The following RBFOX3 variants were observed in gnomAD, a reference collection of about 807,000 sequenced individuals.
RBFOX3 encodes the protein RNA binding protein fox-1 homolog 3.
A neutral mutation model predicts 48.7 loss-of-function variants in RBFOX3; 17 were observed. That is an observed-to-expected ratio of 0.35 (90% CI 0.24 to 0.52). The LOEUF is 0.52. Ranked by LOEUF, RBFOX3 falls within the 20% of genes least tolerant of loss-of-function variation. RBFOX3 has a pLI of 0.94. For synonymous variants in RBFOX3, 212 were observed against 209.5 expected (o/e 1.01, Z -0.10); for missense variants, 382 against 497.5 (o/e 0.77, Z 2.21).
chr17:79,140,260 G>A (rs992821290), intron 4 of RBFOX3, among the ~76,000 whole-genome samples: 5 of 152,242 alleles, frequency 3.3e-5, no homozygotes, highest in Non-Finnish European at 4.4e-5. Flanking sequence ...GGCAAGTCAC[G>A]CAGCTCAAGT....
At chr17:79,184,516 C>A (rs1362015585) in intron 4 of RBFOX3, among the ~76,000 whole-genome samples, 4 of 152,192 alleles carry the variant, frequency 2.6e-5, no homozygotes, top group Non-Finnish European at 5.9e-5. Context: ...ACTGGCCTGC[C>A]CCGAGTCCAC....
intron 2 of RBFOX3, among the ~76,000 whole-genome samples, chr17:79,379,302 C>A (rs2059601885): frequency 1.3e-5 from 2 of 152,184 alleles, no homozygotes; most frequent in Admixed American, 1.3e-4. Context: ...GACTCCTTGC[C>A]TGCCCTGGGG....
chr17:79,655,672 C>T, the RBFOX3 span, among the ~76,000 whole-genome samples: 1 of 152,188 alleles, frequency 6.6e-6, no homozygotes, highest in Non-Finnish European at 1.5e-5. Context: ...CAGCTCCAGA[C>T]TCACTGAGAC....
chr17:79,555,192 T>C (rs960246715), intron 1 of RBFOX3, among the ~76,000 whole-genome samples: 78 of 152,326 alleles, frequency 5.1e-4, no homozygotes, highest in African/African-American at 1.8e-3. Context: ...AAAAATCACA[T>C]GGGTGATAGC....
chr17:79,493,240 G>C (rs956778827), intron 1 of RBFOX3, among the ~76,000 whole-genome samples: 3 of 152,084 alleles, frequency 2.0e-5, no homozygotes, highest in African/African-American at 4.8e-5. Context: ...CATCACCAAG[G>C]GGGTGGTACT....
the RBFOX3 span, among the ~76,000 whole-genome samples, chr17:79,651,729 C>G: frequency 3.0e-5 from 2 of 66,134 alleles, no homozygotes; most frequent in East Asian, 9.1e-4. Context: ...CTTTCCCTCC[C>G]TCTCTCCTTC....
At chr17:79,467,294 C>T (rs992325859) in intron 2 of RBFOX3, among the ~76,000 whole-genome samples, 22 of 152,210 alleles carry the variant, frequency 1.4e-4, no homozygotes, top group South Asian at 4.2e-4. Context: ...CCCAGAGTAG[C>T]GTGCCTTCCT....
intron 3 of RBFOX3, among the ~76,000 whole-genome samples, chr17:79,259,148 C>T (rs866620078): frequency 3.3e-5 from 5 of 152,274 alleles, no homozygotes; most frequent in Non-Finnish European, 5.9e-5. Flanking sequence ...CTGGTGGGTA[C>T]TGAATGCTGT....
At chr17:79,378,555 C>T (rs1008689827) in intron 2 of RBFOX3, among the ~76,000 whole-genome samples, 2 of 152,190 alleles carry the variant, frequency 1.3e-5, no homozygotes, top group African/African-American at 4.8e-5. Context: ...CCCAGGAAGC[C>T]AAGGACAGGG....
intron 1 of RBFOX3, among the ~76,000 whole-genome samples, chr17:79,498,346 T>C (rs2081874052): frequency 6.6e-6 from 1 of 152,138 alleles, no homozygotes; most frequent in African/African-American, 2.4e-5. Flanking sequence ...AAAACCAGTA[T>C]GGCTCAACAA....
At chr17:79,290,748 T>G (rs1035681187) in intron 3 of RBFOX3, among the ~76,000 whole-genome samples, 2 of 152,166 alleles carry the variant, frequency 1.3e-5, no homozygotes, top group African/African-American at 4.8e-5. Flanking sequence ...TACATACATC[T>G]CATCGAGCCT....
chr17:79,498,753 A>G (rs1239727345), intron 1 of RBFOX3, among the ~76,000 whole-genome samples: 2 of 150,178 alleles, frequency 1.3e-5, no homozygotes, highest in African/African-American at 4.9e-5. Context: ...CCATCCAGCC[A>G]TCCATCTGCC....
At chr17:79,168,189 C>G (rs1442390099) in intron 4 of RBFOX3, among the ~76,000 whole-genome samples, 1 of 152,206 alleles carries the variant, frequency 6.6e-6, no homozygotes, top group Non-Finnish European at 1.5e-5. Context: ...CTGCCTGACC[C>G]CTGACCGGCA....
chr17:79,413,527 C>T (rs770708967), intron 2 of RBFOX3, among the ~76,000 whole-genome samples: 1 of 152,250 alleles, frequency 6.6e-6, no homozygotes, highest in Non-Finnish European at 1.5e-5. Context: ...AGGCTCAGGC[C>T]GTGAGCTCTT....
chr17:79,321,430 C>T lies in RBFOX3; in HGVS notation c.-174-13606G>A, dbSNP rs74931913. On this transcript the variant is annotated intron_variant, in intron 2 of 14. Coordinates refer to ENST00000693108, the MANE Select transcript of RBFOX3 (RefSeq NM_001350451.2). The stretch of plus-strand genomic sequence containing the variant: ...CCCTCCAGGTCCGGCCCCAACACGC[C>T]CACTCCTAACTGGAGCCGAGACACA... Among the ~76,000 whole-genome samples the T allele has an allele frequency of 3.9e-3, 591 of 152,312 alleles. 1 individual carries two copies. The highest frequency in any genetic ancestry group is 0.014 in the African/African-American group (564 of 41,582).
intron 2 of RBFOX3, among the ~76,000 whole-genome samples, chr17:79,385,607 C>T (rs76110116): frequency 0.041 from 6,312 of 152,272 alleles, 172 homozygotes; most frequent in East Asian, 0.13. Flanking sequence ...TCAAATACCA[C>T]GTGTGCTGCT....
chr17:79,161,259 G>A (rs16972056), intron 4 of RBFOX3, among the ~76,000 whole-genome samples: 19,487 of 152,128 alleles, frequency 0.13, 1,892 homozygotes, highest in African/African-American at 0.27. Flanking sequence ...GGAAGGGGCC[G>A]GCACGAGTCA....
At chr17:79,622,078 T>C in the RBFOX3 span, among the ~76,000 whole-genome samples, 1 of 151,948 alleles carries the variant, frequency 6.6e-6, no homozygotes, top group Non-Finnish European at 1.5e-5. Flanking sequence ...TTCTAAGGTG[T>C]CCTTTCATTC....
intron 1 of RBFOX3, among the ~76,000 whole-genome samples, chr17:79,573,984 A>G (rs1210397772): frequency 6.6e-6 from 1 of 152,190 alleles, no homozygotes; most frequent in African/African-American, 2.4e-5. Context: ...GTCTCCACCC[A>G]TGAAGAAGGG....
Sources: allele counts gnomAD v4.1 joint callset (sites outside exome capture counted in the v4.1 genomes callset), GRCh38; gene constraint gnomAD v4.1.1; transcripts MANE v1.5; gene names NCBI Gene and HGNC (gene_info 2026-07-23, HGNC 2026-07-21).